Variants in MME observed in about 807,000 individuals in gnomAD.
MME encodes the protein membrane metalloendopeptidase.
MME carries 98 observed loss-of-function variants against 113.2 expected under a neutral mutation model. That is an observed-to-expected ratio of 0.87 (90% confidence interval 0.74 to 1.02). The LOEUF (loss-of-function observed/expected upper bound fraction) is 1.02. Among genes scored for constraint, MME ranks in the 50% least tolerant of loss-of-function variants. MME has a pLI of 0.00. For missense variants in MME, 836 were observed against 896.0 expected (o/e 0.93, Z 0.86); for synonymous variants, 292 against 300.6 (o/e 0.97, Z 0.30).
At chr3:155,171,834 T>C (rs765486194) in intron 20 of MME, among the ~76,000 whole-genome samples, 8 of 152,208 alleles carry the variant, frequency 5.3e-5, no homozygotes, top group Non-Finnish European at 7.3e-5. Context: ...TTTCATCACT[T>C]ATTTAGGTCA....
At chr3:155,049,522 T>C (rs1458000400) in intron 1 of MME, among the ~76,000 whole-genome samples, 2 of 152,152 alleles carry the variant, frequency 1.3e-5, no homozygotes, top group Non-Finnish European at 2.9e-5. Flanking sequence ...AAGTTTAGAT[T>C]GCCTTGAAGA....
chr3:155,138,041 T>A, intron 8 of MME, 61 bp from the exon 9 acceptor site: 1 of 1,575,370 alleles, frequency 6.3e-7, no homozygotes, highest in East Asian at 2.2e-5. Flanking sequence ...AAATAAATTT[T>A]AAGTACCATG....
chr3:155,072,167 C>CAAAAAAAAAA (rs71155031), intron 1 of MME, among the ~76,000 whole-genome samples: 2 of 65,070 alleles, frequency 3.1e-5, no homozygotes, highest in African/African-American at 7.1e-5. Context: ...GACTCCGTCT[C>CAAAAAAAAAA]AAAAAAAAAA....
At chr3:155,037,045 G>A (rs573839044) in intron 1 of MME, among the ~76,000 whole-genome samples, 1 of 152,140 alleles carries the variant, frequency 6.6e-6, no homozygotes, top group African/African-American at 2.4e-5. Context: ...AGATGTCAAG[G>A]TGTATTACTG....
intron 3 of MME, among the ~76,000 whole-genome samples, chr3:155,108,227 C>CT (rs1365208809): frequency 6.6e-5 from 10 of 152,130 alleles, no homozygotes; most frequent in Non-Finnish European, 1.5e-4. Flanking sequence ...ATAAACCACA[C>CT]TTGTTTTTTA....
rs1364615992 is a variant in MME, at chr3:155,114,175, C to CA, written c.197-816dup. On this transcript the variant is annotated intron_variant, in intron 3 of 22. Coordinates refer to ENST00000360490, the MANE Select transcript of MME (RefSeq NM_007289.4). ...AAAACAGTTCAACTTGTATGAGACT[C>CA]AAAGTGGGGAGGGCAGGAGCAGAAT... 6.6e-5 allele frequency among the ~76,000 whole-genome samples: 10 copies of CA among 152,214 alleles called. No individual in the cohort carries two copies. The East Asian group carries it at 1.9e-3, about 29-fold the overall frequency.
chr3:155,072,999 A>C (rs6805925), intron 1 of MME, among the ~76,000 whole-genome samples: 2,292 of 152,336 alleles, frequency 0.015, 48 homozygotes, highest in African/African-American at 0.051. Flanking sequence ...GCATGGTTTT[A>C]AACAAGAATC....
chr3:155,112,759 T>C (rs1262628631), intron 3 of MME: 1 of 152,160 alleles, frequency 6.6e-6, no homozygotes, highest in African/African-American at 2.4e-5. Flanking sequence ...CTGACCTCTG[T>C]GGCAAGGGGA....
At chr3:155,068,437 G>C (rs1282998372) in intron 1 of MME, among the ~76,000 whole-genome samples, 1 of 152,140 alleles carries the variant, frequency 6.6e-6, no homozygotes, top group Non-Finnish European at 1.5e-5. Flanking sequence ...AATATGTGCA[G>C]TTTATTGTTA....
chr3:155,164,080 G>T (rs866411037), intron 17 of MME, among the ~76,000 whole-genome samples: 2 of 150,750 alleles, frequency 1.3e-5, no homozygotes, highest in Non-Finnish European at 2.9e-5. Flanking sequence ...AAAGGTGGAG[G>T]TTGCAGTAAG....
At chr3:155,104,355 A>T (rs1717511789) in intron 3 of MME, among the ~76,000 whole-genome samples, 1 of 152,200 alleles carries the variant, frequency 6.6e-6, no homozygotes, top group African/African-American at 2.4e-5. Context: ...AAATATAAAC[A>T]TATGGAGCCA....
At chr3:155,049,839 C>T (rs573366127) in intron 1 of MME, among the ~76,000 whole-genome samples, 2 of 152,130 alleles carry the variant, frequency 1.3e-5, no homozygotes, top group African/African-American at 4.8e-5. Context: ...TTTCTTTTAA[C>T]TTTTGTTTAA....
At chr3:155,174,325 CGTGTGTGTGT>C (rs3839085) in intron 22 of MME, among the ~76,000 whole-genome samples, 3,608 of 110,284 alleles carry the variant, frequency 0.033, 96 homozygotes, top group African/African-American at 0.07. Context: ...ACAACAGAAG[CGTGTGTGTGT>C]GTGTGTGTGT....
chr3:155,158,818 A>G (rs925280687), intron 16 of MME: 3 of 151,978 alleles, frequency 2.0e-5, no homozygotes, highest in Admixed American at 6.6e-5. Context: ...AAGAAATACT[A>G]AAATACTGAT....
In MME at chr3:155,124,157, A is replaced by G. The variant is rs1294012561; in HGVS notation, c.720+5346A>G. ...TTCTCTAAACTTCCCTTCTCGCTTCATTTCATTCATTTCATCTTCCATTGC... is the reference window on the plus strand; with the variant it reads ...TTCTCTAAACTTCCCTTCTCGCTTCGTTTCATTCATTTCATCTTCCATTGC... On this transcript the variant is annotated intron_variant, in intron 8 of 22. Transcript: ENST00000360490. 2.1e-3 allele frequency among the ~76,000 whole-genome samples: 321 copies of G among 149,638 alleles called. 2 individuals carry two copies. Among genetic ancestry groups the G allele is most frequent in the African/African-American group, 7.6e-3 (310 of 40,696 alleles).
At chr3:155,147,312 T>G in intron 15 of MME, 88 bp downstream of exon 15, 1 of 804,726 alleles carries the variant, frequency 1.2e-6, no homozygotes, top group South Asian at 1.4e-5. Context: ...TGAAATTATA[T>G]GAAGTAGCCT....
intron 1 of MME, among the ~76,000 whole-genome samples, chr3:155,028,173 T>C (rs945126115): frequency 3.3e-5 from 5 of 152,100 alleles, no homozygotes; most frequent in Non-Finnish European, 5.9e-5. Flanking sequence ...ACATTTCTAC[T>C]CTCCAGGATC....
At position 155,147,238 on chromosome 3, in the gene MME, A is replaced by C; in HGVS notation, c.1497+14A>C. 6.7e-7 allele frequency: 1 copy of C among 1,497,992 alleles called. No individual in the cohort carries two copies. Among genetic ancestry groups the C allele is most frequent in the Non-Finnish European group, 9.3e-7 (1 of 1,074,442 alleles). The allele number at this position is 1,497,992 out of a possible 1,614,324, so 92.8% of individuals were successfully genotyped here. A position where few individuals can be genotyped will look rare whatever the true frequency, so the allele number is the denominator to read the frequency against. Reference sequence around the variant, plus strand: ...GAGTACCTCGAGGTAAGTCTCTATAAAATAGACTCTGGACTACTGATACTT... The same window carrying C: ...GAGTACCTCGAGGTAAGTCTCTATACAATAGACTCTGGACTACTGATACTT... On this transcript the variant is annotated intron_variant, in intron 15 of 22. Transcript: ENST00000360490.
At chr3:155,038,495 A>AT in intron 1 of MME, among the ~76,000 whole-genome samples, 1 of 152,084 alleles carries the variant, frequency 6.6e-6, no homozygotes, top group Non-Finnish European at 1.5e-5. Flanking sequence ...CTTTGATTAG[A>AT]TTTTCGATCT....
Sources: gnomAD v4.1 joint callset for allele counts (sites outside exome capture counted in the v4.1 genomes callset) on GRCh38, gnomAD v4.1.1 for gene constraint, MANE v1.5 for transcripts, NCBI Gene and HGNC (gene_info 2026-07-23, HGNC 2026-07-21) for gene names.